Variants in STX18 observed in about 807,000 individuals in gnomAD.
STX18 encodes syntaxin-18.
A neutral mutation model predicts 50.1 loss-of-function variants in STX18; 40 were observed. The ratio of observed to expected loss-of-function variants is 0.80; its 90% CI spans 0.62 to 1.04. The LOEUF is 1.04. Ranked by LOEUF, STX18 falls within the 50% of genes least tolerant of loss-of-function variation. The pLI is 0.00. For missense variants in STX18, 410 were observed against 415.8 expected (o/e 0.99, Z 0.12); for synonymous variants, 158 against 151.8 (o/e 1.04, Z -0.30).
intron 1 of STX18, among the ~76,000 whole-genome samples, chr4:4,477,031 C>G (rs1389852400): frequency 6.6e-6 from 1 of 151,964 alleles, no homozygotes; most frequent in Non-Finnish European, 1.5e-5. Context: ...GAAACCCCGT[C>G]TCTATTAAAA....
Position 4,419,463 on chromosome 4 carries a change from T to C in STX18, c.*571A>G, listed in dbSNP as rs976154985. The C allele has an allele frequency of 5.9e-5, 9 of 152,336 alleles. No homozygotes were observed. The highest frequency in any genetic ancestry group is 6.5e-5 in the Admixed American group (1 of 15,290). 9.4% of individuals were successfully genotyped at this position (152,336 alleles called of 1,614,324 possible). On this transcript the variant is annotated 3_prime_UTR_variant, in exon 11 of 11. Transcript: ENST00000306200. ...CACTGAATTTGTCAACTTAGACTCA[T>C]TGACAACACATTAAGGGGCTGTAAT...
At chr4:4,492,224 A>G (rs1310714353) in intron 1 of STX18, among the ~76,000 whole-genome samples, 2 of 152,236 alleles carry the variant, frequency 1.3e-5, no homozygotes, top group South Asian at 4.1e-4. Flanking sequence ...ATTGCATAAA[A>G]TGCTCTTTAT....
chr4:4,485,314 T>C (rs1728651725), intron 1 of STX18, among the ~76,000 whole-genome samples: 1 of 152,200 alleles, frequency 6.6e-6, no homozygotes, highest in South Asian at 2.1e-4. Flanking sequence ...TTCTTCTTCA[T>C]TTCATCACTA....
At chr4:4,537,547 G>A (rs1367886352) in intron 1 of STX18, among the ~76,000 whole-genome samples, 1 of 152,132 alleles carries the variant, frequency 6.6e-6, no homozygotes, top group African/African-American at 2.4e-5. Flanking sequence ...TCCTTCCTGG[G>A]CTTTATGGAT....
intron 1 of STX18, among the ~76,000 whole-genome samples, chr4:4,493,628 T>C (rs6833162): frequency 0.034 from 5,222 of 152,336 alleles, 109 homozygotes; most frequent in Non-Finnish European, 0.047. Context: ...GTACCTATCA[T>C]GAATTTTCAC....
At chr4:4,473,398 T>C (rs562476931) in intron 1 of STX18, among the ~76,000 whole-genome samples, 211 of 151,580 alleles carry the variant, frequency 1.4e-3, no homozygotes, top group African/African-American at 4.9e-3. Flanking sequence ...GTTCACGTCA[T>C]TCTCCTGCCT....
intron 7 of STX18, 155 bp from the exon 8 acceptor site, chr4:4,425,377 T>A (rs1051806170): frequency 3.0e-6 from 2 of 663,206 alleles, no homozygotes; most frequent in Non-Finnish European, 5.4e-6. Flanking sequence ...TTAGCATTAG[T>A]GTGAACAACG....
At chr4:4,421,161 C>T (rs1243779771) in intron 9 of STX18, among the ~76,000 whole-genome samples, 1 of 152,092 alleles carries the variant, frequency 6.6e-6, no homozygotes, top group Non-Finnish European at 1.5e-5. Flanking sequence ...GAACAGTAGC[C>T]GTCACCAAGG....
chr4:4,479,389 A>T (rs1728350137), intron 1 of STX18, among the ~76,000 whole-genome samples: 1 of 152,196 alleles, frequency 6.6e-6, no homozygotes, highest in African/African-American at 2.4e-5. Flanking sequence ...CTGCTGTCCC[A>T]TCTGAGTACA....
chr4:4,426,496 C>G (rs1008390981), intron 7 of STX18: 2 of 152,300 alleles, frequency 1.3e-5, no homozygotes, highest in Middle Eastern at 3.4e-3. Flanking sequence ...ACGGGCTATG[C>G]TGGCACTTCA....
intron 7 of STX18, among the ~76,000 whole-genome samples, chr4:4,434,339 C>T (rs1472525221): frequency 6.6e-6 from 1 of 152,172 alleles, no homozygotes; most frequent in African/African-American, 2.4e-5. Flanking sequence ...AACCAGAAGG[C>T]AGGTAACTAA....
chr4:4,531,131 T>C (rs1020259530), intron 1 of STX18, among the ~76,000 whole-genome samples: 3 of 150,150 alleles, frequency 2.0e-5, no homozygotes, highest in Non-Finnish European at 4.4e-5. Context: ...TTACAACACA[T>C]CCTTTGGCAT....
intron 1 of STX18, among the ~76,000 whole-genome samples, chr4:4,528,308 T>A (rs1241637235): frequency 6.6e-6 from 1 of 152,124 alleles, no homozygotes; most frequent in Non-Finnish European, 1.5e-5. Flanking sequence ...CTGGGAGGTG[T>A]TGGATCATGA....
intron 1 of STX18, among the ~76,000 whole-genome samples, chr4:4,485,085 A>G (rs1728643988): frequency 6.6e-6 from 1 of 152,214 alleles, no homozygotes. Context: ...ACTGCAAAGG[A>G]TGAAACCAGG....
intron 1 of STX18, among the ~76,000 whole-genome samples, chr4:4,515,279 T>C (rs1730197879): frequency 6.6e-6 from 1 of 152,172 alleles, no homozygotes; most frequent in African/African-American, 2.4e-5. Context: ...AACATTTGTT[T>C]CCAGTGATAA....
At position 4,475,058 on chromosome 4, in the gene STX18, A is replaced by T. The variant is rs372062884; in HGVS notation, c.169-3352T>A. 7.9e-4 allele frequency among the ~76,000 whole-genome samples: 120 copies of T among 152,354 alleles called. 2 individuals are homozygous for T. The South Asian group carries it at 0.023, about 29-fold the overall frequency. On this transcript the variant is annotated intron_variant, in intron 1 of 10. Transcript: ENST00000306200. ...GGAATCTACTGTACAGGTTAGATCC[A>T]GCTGCCCACCCCTACTTTTAGTTAG...
At chr4:4,459,537 T>C (rs372170925) in intron 2 of STX18, 50 bp from the exon 3 acceptor site, 9 of 1,330,052 alleles carry the variant, frequency 6.8e-6, no homozygotes, top group African/African-American at 5.8e-5. Flanking sequence ...GAACATAATA[T>C]AGTCTGAGTG....
intron 5 of STX18, among the ~76,000 whole-genome samples, chr4:4,443,883 A>G (rs1019271124): frequency 1.3e-5 from 2 of 152,260 alleles, no homozygotes; most frequent in Non-Finnish European, 2.9e-5. Context: ...TAAGGTATGC[A>G]GTAAAGGGAT....
chr4:4,423,064 G>A (rs1725049581), intron 9 of STX18, among the ~76,000 whole-genome samples: 1 of 152,230 alleles, frequency 6.6e-6, no homozygotes, highest in African/African-American at 2.4e-5. Flanking sequence ...CTGGGTCTGA[G>A]CTCCTGTAAC....
Sources: gnomAD v4.1 joint callset for allele counts (sites outside exome capture counted in the v4.1 genomes callset) on GRCh38, gnomAD v4.1.1 for gene constraint, MANE v1.5 for transcripts, NCBI Gene and HGNC (gene_info 2026-07-23, HGNC 2026-07-21) for gene names.